MIS18BP1: variants seen among roughly 807,000 people sequenced by gnomAD.
The protein encoded by MIS18BP1 is MIS18 binding protein 1, also known as mis18-binding protein 1.
In MIS18BP1, 72 loss-of-function variants were observed where a neutral mutation model predicts 116.1. That is an observed-to-expected ratio of 0.62 (90% CI 0.51 to 0.75). MIS18BP1 has a LOEUF of 0.75. Ranked by LOEUF, MIS18BP1 falls within the 30% of genes least tolerant of loss-of-function variation. The pLI, the probability that MIS18BP1 is intolerant of heterozygous loss-of-function variation, is 0.00. For synonymous variants in MIS18BP1, 386 were observed against 427.0 expected (o/e 0.90, Z 1.18); for missense variants, 1,363 against 1,303.2 (o/e 1.05, Z -0.71).
chr14:45,237,838 T>C (rs1252966), intron 4 of MIS18BP1, 117 bp from the exon 5 acceptor site: 168,201 of 1,341,840 alleles, frequency 0.13, 12,809 homozygotes, highest in African/African-American at 0.33. Context: ...TTCCTTAGTG[T>C]CATCGATGTA....
chr14:45,248,062 T>G (rs1003160557), intron 1 of MIS18BP1, among the ~76,000 whole-genome samples: 11 of 150,138 alleles, frequency 7.3e-5, no homozygotes, highest in South Asian at 2.1e-4. Flanking sequence ...TTCGTTTTTT[T>G]TTTTTTTTTT....
intron 4 of MIS18BP1, 118 bp from the exon 5 acceptor site, chr14:45,237,839 C>T: frequency 7.5e-7 from 1 of 1,329,008 alleles, no homozygotes; most frequent in Non-Finnish European, 9.9e-7. Flanking sequence ...TCCTTAGTGT[C>T]ATCGATGTAA....
chr14:45,224,897 G>A (rs1891085076), intron 10 of MIS18BP1, 151 bp from the exon 11 acceptor site: 1 of 628,306 alleles, frequency 1.6e-6, no homozygotes, highest in Admixed American at 3.3e-5. Context: ...TCTTTCTGAA[G>A]CCCAGGTCTA....
At chr14:45,228,393 G>C (rs1014514801) in intron 8 of MIS18BP1, among the ~76,000 whole-genome samples, 5 of 152,098 alleles carry the variant, frequency 3.3e-5, no homozygotes, top group African/African-American at 1.2e-4. Flanking sequence ...AGAATAGTAA[G>C]GTTAATCCAT....
chr14:45,245,521 A>T (rs1481519639), intron 2 of MIS18BP1, among the ~76,000 whole-genome samples: 1 of 152,024 alleles, frequency 6.6e-6, no homozygotes, highest in Admixed American at 6.6e-5. Flanking sequence ...TGCGCCATCA[A>T]GCCCAGCTAA....
In MIS18BP1 at chr14:45,204,007, A is replaced by C; in HGVS notation, c.*102T>G. ...AACCTTCAAAAAAGTCCACATTTTCATAGGAAGCTACTTTACAAAGAAAAT... is the reference window on the plus strand; with the variant it reads ...AACCTTCAAAAAAGTCCACATTTTCCTAGGAAGCTACTTTACAAAGAAAAT... On this transcript the variant is annotated 3_prime_UTR_variant, in exon 17 of 17. Coordinates refer to ENST00000310806, the MANE Select transcript of MIS18BP1 (RefSeq NM_018353.5). 6.8e-7 allele frequency: 1 copy of C among 1,464,048 alleles called. No homozygotes were observed. Among genetic ancestry groups the C allele is most frequent in the Non-Finnish European group, 9.0e-7 (1 of 1,105,096 alleles). The allele number at this position is 1,464,048 out of a possible 1,614,324, so 90.7% of individuals were successfully genotyped here.
At chr14:45,238,824 T>TA (rs756610338) in intron 4 of MIS18BP1, among the ~76,000 whole-genome samples, 2 of 151,972 alleles carry the variant, frequency 1.3e-5, no homozygotes, top group South Asian at 2.1e-4. Flanking sequence ...TACATAAAAA[T>TA]AAAAAATTAT....
chr14:45,206,094 T>C lies in MIS18BP1; in HGVS notation c.3229A>G (p.Lys1077Glu), dbSNP rs753074543. Residue 1077 changes from lysine to glutamate, a missense_variant, in exon 15 of 17, where the codon AAG (lysine) becomes GAG (glutamate). Lys to Glu is a moderately conservative substitution (Grantham distance 56). Coordinates refer to ENST00000310806, the MANE Select transcript of MIS18BP1 (RefSeq NM_018353.5). Reference protein sequence around the residue: ...SNGGIVWGNIKKKLVETDFST... With the variant: ...SNGGIVWGNIEKKLVETDFST... ...AGAAAAATACTTACTAATTTTTTCT[T>C]GATGTTGCCCCAGACAATACCACCA... 14 of 1,597,166 alleles carry C rather than the reference T, an allele frequency of 8.8e-6. No individual in the cohort carries two copies. The Admixed American group carries it at 2.4e-4, about 27-fold the overall frequency.
At position 45,246,822 on chromosome 14, in the gene MIS18BP1, T is replaced by C; in HGVS notation, c.465A>G (p.Lys155=). ...NETFTPNRVE[K]KKLQHTYLCE... ...ATAGGTAGGTATGCTGCAATTTTTT[T>C]TTTTCAACTCTGTTAGGAGTGAAGG... Residue 155 remains lysine, a synonymous_variant, in exon 2 of 17, where the codon AAA becomes AAG. Coordinates refer to ENST00000310806, the MANE Select transcript of MIS18BP1 (RefSeq NM_018353.5). 1 of 1,594,722 alleles carries C rather than the reference T, an allele frequency of 6.3e-7. No homozygotes were observed.
At chr14:45,222,175 T>A (rs1450939725) in intron 11 of MIS18BP1, among the ~76,000 whole-genome samples, 1 of 152,250 alleles carries the variant, frequency 6.6e-6, no homozygotes, top group African/African-American at 2.4e-5. Context: ...GATCATGTTT[T>A]TAAATTCATT....
chr14:45,227,431 C>A (rs1288000143), intron 9 of MIS18BP1, among the ~76,000 whole-genome samples: 1 of 151,476 alleles, frequency 6.6e-6, no homozygotes, highest in Non-Finnish European at 1.5e-5. Flanking sequence ...CACTCGAACC[C>A]AGGAGGTGGA....
chr14:45,247,178 C>T lies in MIS18BP1; in HGVS notation c.109G>A (p.Gly37Ser), dbSNP rs749439163. Reference protein sequence around the residue: ...DAIFFDSIPSGTLTPVKDLVK... With the variant: ...DAIFFDSIPSSTLTPVKDLVK... ...AAATCTTTTACAGGAGTAAGTGTGC[C>T]TGAAGGAATGCTGTCAAAAAAGATT... Residue 37 changes from glycine to serine, a missense_variant, in exon 2 of 17, where the codon GGC becomes AGC. Physicochemically the swap from Gly to Ser is moderately conservative, Grantham distance 56. Transcript: ENST00000310806. The T allele has an allele frequency of 6.2e-7, 1 of 1,612,878 alleles. No individual in the cohort carries two copies. The highest frequency in any genetic ancestry group is 8.5e-7 in the Non-Finnish European group (1 of 1,179,934).
Position 45,224,653 on chromosome 14 carries a change from T to A in MIS18BP1, c.1934A>T (p.Gln645Leu). The part of the protein sequence containing the change: ...DEERKYMAIN[Q>L]KKAYILVTPL... Reference sequence around the variant, plus strand: ...TGTTACTAAAATATAAGCTTTCTTCTGATTGATGGCCATGTATTTTCTTTC... The same window carrying A: ...TGTTACTAAAATATAAGCTTTCTTCAGATTGATGGCCATGTATTTTCTTTC... The change falls in exon 11 of 17, where the codon CAG (glutamine) becomes CTG (leucine). Residue 645 changes from glutamine to leucine, a missense_variant. Physicochemically the swap from Gln to Leu is moderately radical, Grantham distance 113 (BLOSUM62 -2). Coordinates refer to ENST00000310806, the MANE Select transcript of MIS18BP1 (RefSeq NM_018353.5). 1 of 1,613,228 alleles carries A rather than the reference T, an allele frequency of 6.2e-7. No individual in the cohort carries two copies. Among genetic ancestry groups the A allele is most frequent in the African/African-American group, 1.3e-5 (1 of 74,984 alleles).
At position 45,224,071 on chromosome 14, in the gene MIS18BP1, A is replaced by G. The variant is rs377025215; in HGVS notation, c.2516T>C (p.Val839Ala). The change falls in exon 11 of 17, where the codon GTC (valine) becomes GCC (alanine). Residue 839 changes from valine to alanine, a missense_variant. By Grantham distance (64) the Val-to-Ala change is moderately conservative (BLOSUM62 0). Transcript: ENST00000310806. ...YIKQKKARPS[V>A]KETLQKSGVR... ...ACCAGACTTCTGAAGAGTTTCTTTGACGGAAGGTCTAGCTTTCTTTTGTTT... is the reference window on the plus strand; with the variant it reads ...ACCAGACTTCTGAAGAGTTTCTTTGGCGGAAGGTCTAGCTTTCTTTTGTTT... 1.2e-5 allele frequency: 19 copies of G among 1,613,518 alleles called. No homozygotes were observed. In the African/African-American group the frequency reaches 2.1e-4, roughly 18 times the overall value.
rs186170707 is a variant in MIS18BP1 at position 45,232,427 on chromosome 14, A to C, written c.1436+306T>G. On this transcript the variant is annotated intron_variant, in intron 7 of 16. Coordinates refer to ENST00000310806, the MANE Select transcript of MIS18BP1 (RefSeq NM_018353.5). ...GCCAGATTCCATCTCAAAAAAAAAA[A>C]AAAAAAAAAAACAACAACAAAAAAA... is the stretch of plus-strand genomic sequence containing the variant. 909 of 239,976 alleles carry C rather than the reference A, an allele frequency of 3.8e-3. 14 individuals are homozygous for C. The highest frequency in any genetic ancestry group is 0.02 in the African/African-American group (845 of 42,026). 14.9% of individuals were successfully genotyped at this position (239,976 alleles called of 1,614,324 possible).
chr14:45,235,975 A>G lies in MIS18BP1; in HGVS notation c.1218-31T>C, dbSNP rs551733215. ...AAAAAAAAATAGTTTTGGTAAGGTCAAAATATTCATATAGAAATTTCTAAC... is the reference window on the plus strand; with the variant it reads ...AAAAAAAAATAGTTTTGGTAAGGTCGAAATATTCATATAGAAATTTCTAAC... On this transcript the variant is annotated intron_variant, in intron 5 of 16. Transcript: ENST00000310806. The G allele has an allele frequency of 1.5e-4, 230 of 1,546,120 alleles. 3 individuals carry two copies. The South Asian group carries it at 2.5e-3, about 17-fold the overall frequency.
chr14:45,227,463 T>G (rs1271347571), intron 9 of MIS18BP1, among the ~76,000 whole-genome samples, 200 bp downstream of exon 9: 1 of 150,854 alleles, frequency 6.6e-6, no homozygotes, highest in African/African-American at 2.4e-5. Context: ...GAGAATCACT[T>G]GAACCCAGGA....
At chr14:45,206,219 CTAA>C in intron 14 of MIS18BP1, 49 bp from the exon 15 acceptor site, 1 of 1,289,292 alleles carries the variant, frequency 7.8e-7, no homozygotes, top group Non-Finnish European at 1.1e-6. Flanking sequence ...TTAAGTCAAC[CTAA>C]TAATTTTAAG....
At chr14:45,248,962 G>A (rs1377455743) in intron 1 of MIS18BP1, among the ~76,000 whole-genome samples, 1 of 152,186 alleles carries the variant, frequency 6.6e-6, no homozygotes, top group East Asian at 1.9e-4. Context: ...CTGGAGTGCA[G>A]TGGTGTGATC....
Sources: allele counts gnomAD v4.1 joint callset (sites outside exome capture counted in the v4.1 genomes callset), GRCh38; gene constraint gnomAD v4.1.1; transcripts MANE v1.5; gene names NCBI Gene and HGNC (gene_info 2026-07-23, HGNC 2026-07-21).